The following ATRNL1 variants were observed in gnomAD, a reference collection of about 807,000 sequenced individuals.
ATRNL1 encodes attractin-like protein 1.
In ATRNL1, 95 loss-of-function variants were observed where a neutral mutation model predicts 182.7. That is an observed-to-expected ratio of 0.52 (90% CI 0.44 to 0.62). The LOEUF is 0.62. Ranked by LOEUF, ATRNL1 falls within the 20% of genes least tolerant of loss-of-function variation. The pLI, the probability that ATRNL1 is intolerant of heterozygous loss-of-function variation, is 0.00. For missense variants in ATRNL1, 1,471 were observed against 1,679.5 expected (o/e 0.88, Z 2.17); for synonymous variants, 576 against 568.3 (o/e 1.01, Z -0.19).
At chr10:115,713,128 C>G (rs1947114329) in intron 26 of ATRNL1, among the ~76,000 whole-genome samples, 1 of 152,114 alleles carries the variant, frequency 6.6e-6, no homozygotes, top group African/African-American at 2.4e-5. Flanking sequence ...GTATTTGTCT[C>G]TCCTCTGTCA....
Position 115,111,503 on chromosome 10 carries a change from G to A in ATRNL1, c.294-8682G>A, listed in dbSNP as rs868941368. Among the ~76,000 whole-genome samples, 6 of 152,258 alleles carry A rather than the reference G, an allele frequency of 3.9e-5. No homozygotes were observed. The South Asian group carries it at 6.2e-4, about 16-fold the overall frequency. On this transcript the variant is annotated intron_variant, in intron 1 of 28. Coordinates refer to ENST00000355044, the MANE Select transcript of ATRNL1 (RefSeq NM_207303.4). Reference sequence around the variant, plus strand: ...TCTACTCATGGCAGAAGGCAAATGGGAGCTGGTATCTGCAGATTTCATATG... The same window carrying A: ...TCTACTCATGGCAGAAGGCAAATGGAAGCTGGTATCTGCAGATTTCATATG...
At chr10:115,414,807 A>G (rs1845311793) in intron 20 of ATRNL1, among the ~76,000 whole-genome samples, 1 of 151,516 alleles carries the variant, frequency 6.6e-6, no homozygotes, top group South Asian at 2.1e-4. Context: ...TGAGTTTTAC[A>G]TTTTTTTTCT....
chr10:115,489,443 C>T (rs571164314), intron 24 of ATRNL1, among the ~76,000 whole-genome samples: 82 of 152,262 alleles, frequency 5.4e-4, no homozygotes, highest in Non-Finnish European at 6.5e-4. Flanking sequence ...GGATAGTCAG[C>T]TCTTCTTGTT....
At chr10:115,370,002 G>A (rs1234693346) in intron 19 of ATRNL1, among the ~76,000 whole-genome samples, 4 of 152,156 alleles carry the variant, frequency 2.6e-5, no homozygotes, top group Non-Finnish European at 5.9e-5. Flanking sequence ...TGAATCACAG[G>A]GGTGGATCTT....
At chr10:115,287,924 G>GT (rs11298663) in intron 15 of ATRNL1, among the ~76,000 whole-genome samples, 2,992 of 91,000 alleles carry the variant, frequency 0.033, 102 homozygotes, top group African/African-American at 0.051. Flanking sequence ...AAGATCAACT[G>GT]TTTTTTTTTT....
At chr10:115,153,738 A>T (rs1397397628) in intron 5 of ATRNL1, among the ~76,000 whole-genome samples, 2 of 151,542 alleles carry the variant, frequency 1.3e-5, no homozygotes, top group Non-Finnish European at 2.9e-5. Context: ...CTCTGATCTT[A>T]GTTATTTCTT....
chr10:115,790,744 CT>C (rs1273879162), intron 27 of ATRNL1, among the ~76,000 whole-genome samples: 1 of 151,654 alleles, frequency 6.6e-6, no homozygotes, highest in African/African-American at 2.4e-5. Flanking sequence ...GCTTTTCTAG[CT>C]TTATTCTCTT....
At chr10:115,882,413 G>T (rs1951846361) in intron 28 of ATRNL1, among the ~76,000 whole-genome samples, 3 of 152,158 alleles carry the variant, frequency 2.0e-5, no homozygotes, top group Non-Finnish European at 4.4e-5. Flanking sequence ...CACCCACATT[G>T]TACTTCCTAG....
intron 24 of ATRNL1, among the ~76,000 whole-genome samples, chr10:115,499,979 C>T (rs1849739268): frequency 6.6e-6 from 1 of 152,064 alleles, no homozygotes; most frequent in Non-Finnish European, 1.5e-5. Context: ...GGCTAGGATG[C>T]TTTATTCCTA....
At chr10:115,813,174 G>A (rs1174493488) in intron 27 of ATRNL1, among the ~76,000 whole-genome samples, 7 of 152,050 alleles carry the variant, frequency 4.6e-5, no homozygotes, top group Admixed American at 4.6e-4. Flanking sequence ...CATGGCACAT[G>A]TATACATATG....
At chr10:115,230,929 G>A (rs1224968606) in intron 9 of ATRNL1, among the ~76,000 whole-genome samples, 1 of 143,300 alleles carries the variant, frequency 7.0e-6, no homozygotes, top group South Asian at 2.2e-4. Flanking sequence ...GAGAAAGAGA[G>A]AAATAGTGAA....
chr10:115,717,615 A>G (rs1947297481), intron 26 of ATRNL1, among the ~76,000 whole-genome samples: 1 of 133,034 alleles, frequency 7.5e-6, no homozygotes, highest in Non-Finnish European at 1.5e-5. Context: ...GCAGTGGTGC[A>G]ATCTCAGCAC....
At chr10:115,209,810 A>G (rs1313742819) in intron 8 of ATRNL1, among the ~76,000 whole-genome samples, 2 of 152,012 alleles carry the variant, frequency 1.3e-5, no homozygotes, top group East Asian at 3.9e-4. Flanking sequence ...TTCCAAATGC[A>G]AAACATAAGA....
chr10:115,499,943 G>A (rs1297216763), intron 24 of ATRNL1, among the ~76,000 whole-genome samples: 1 of 152,058 alleles, frequency 6.6e-6, no homozygotes, highest in Non-Finnish European at 1.5e-5. Context: ...TAAGTTTCTG[G>A]TCTCAGGTTT....
intron 24 of ATRNL1, among the ~76,000 whole-genome samples, chr10:115,474,452 T>C (rs2134586036): frequency 6.6e-6 from 1 of 151,476 alleles, no homozygotes; most frequent in South Asian, 2.1e-4. Flanking sequence ...TGTTTGGTGA[T>C]GTTCAGCTTC....
At chr10:115,463,600 C>T (rs1405579362) in intron 22 of ATRNL1, among the ~76,000 whole-genome samples, 3 of 151,978 alleles carry the variant, frequency 2.0e-5, no homozygotes, top group East Asian at 3.9e-4. Flanking sequence ...CAATCATCAC[C>T]ATCATCCACA....
At position 115,471,177 on chromosome 10, in the gene ATRNL1, A is replaced by G. The variant is rs571684298; in HGVS notation, c.3654+1848A>G. On this transcript the variant is annotated intron_variant, in intron 24 of 28. Coordinates refer to ENST00000355044, the MANE Select transcript of ATRNL1 (RefSeq NM_207303.4). ...CATTGTTATGTGTGTGTATGTACGT[A>G]TATAAATATATACATATTATGAATA... Among the ~76,000 whole-genome samples, 5 of 150,944 alleles carry G rather than the reference A, an allele frequency of 3.3e-5. No individual in the cohort carries two copies. In the South Asian group the frequency reaches 8.3e-4, roughly 25 times the overall value.
chr10:115,474,712 C>T (rs1239679069), intron 24 of ATRNL1, among the ~76,000 whole-genome samples: 1 of 151,308 alleles, frequency 6.6e-6, no homozygotes, highest in African/African-American at 2.4e-5. Context: ...GTTATATAAA[C>T]ACAAAGTAAT....
chr10:115,776,547 TG>T (rs1285951686), intron 27 of ATRNL1, among the ~76,000 whole-genome samples: 11 of 152,164 alleles, frequency 7.2e-5, no homozygotes, highest in South Asian at 2.1e-4. Context: ...TTGTCAGTTT[TG>T]GGGTCCAGGC....
Sources: allele counts gnomAD v4.1 joint callset (sites outside exome capture counted in the v4.1 genomes callset), GRCh38; gene constraint gnomAD v4.1.1; transcripts MANE v1.5; gene names NCBI Gene and HGNC (gene_info 2026-07-23, HGNC 2026-07-21).